Variants in FRMD4A observed in about 807,000 individuals in gnomAD.
FRMD4A encodes the protein FERM domain containing 4A.
FRMD4A carries 29 observed loss-of-function variants against 129.1 expected under a neutral mutation model. That is an observed-to-expected ratio of 0.22 (90% CI 0.17 to 0.31). The LOEUF is 0.31. FRMD4A is among the 10% of genes least tolerant of loss of function. The probability of loss-of-function intolerance (pLI) is 1.00; values close to 1 mark genes in which losing one functional copy is unlikely to be tolerated. For missense variants in FRMD4A, 1,272 were observed against 1,375.8 expected (o/e 0.92, Z 1.19); for synonymous variants, 634 against 571.6 (o/e 1.11, Z -1.56).
intron 2 of FRMD4A, among the ~76,000 whole-genome samples, chr10:13,962,597 C>T (rs757306262): frequency 2.0e-5 from 3 of 152,184 alleles, no homozygotes; most frequent in Admixed American, 6.5e-5. Flanking sequence ...AGCTCCACCA[C>T]AAGAGACTCC....
chr10:13,873,733 G>C (rs2094462622), intron 2 of FRMD4A, among the ~76,000 whole-genome samples: 1 of 151,878 alleles, frequency 6.6e-6, no homozygotes, highest in Non-Finnish European at 1.5e-5. Context: ...TTTTAGTAGA[G>C]ATGGAGTTTC....
intron 11 of FRMD4A, among the ~76,000 whole-genome samples, 199 bp from the exon 12 acceptor site, chr10:13,738,129 G>A (rs2090755013): frequency 6.6e-6 from 1 of 152,134 alleles, no homozygotes; most frequent in Non-Finnish European, 1.5e-5. Context: ...GGTGACATGG[G>A]GAGTGCCGGG....
chr10:13,741,288 C>T (rs965629340), intron 9 of FRMD4A, among the ~76,000 whole-genome samples: 2 of 151,744 alleles, frequency 1.3e-5, no homozygotes, highest in East Asian at 2.0e-4. Context: ...TGTCTCTATA[C>T]AAAAATACAA....
At chr10:13,798,137 G>A (rs888417942) in intron 4 of FRMD4A, among the ~76,000 whole-genome samples, 7 of 152,194 alleles carry the variant, frequency 4.6e-5, no homozygotes, top group Admixed American at 1.3e-4. Flanking sequence ...AGGGTTGGGC[G>A]CAGTGGCTCA....
chr10:13,822,738 G>A (rs1451652784), intron 3 of FRMD4A, among the ~76,000 whole-genome samples: 1 of 152,098 alleles, frequency 6.6e-6, no homozygotes, highest in Non-Finnish European at 1.5e-5. Flanking sequence ...AGCCATGAAG[G>A]GGCCTGTGAC....
At chr10:13,653,735 G>A (rs1168926472) in intron 23 of FRMD4A, 1 of 149,418 alleles carries the variant, frequency 6.7e-6, no homozygotes, top group African/African-American at 2.6e-5. Context: ...GGCAACAGAA[G>A]AGGCAGGTGC....
chr10:14,001,189 T>C (rs973068763), intron 2 of FRMD4A, among the ~76,000 whole-genome samples: 4 of 152,222 alleles, frequency 2.6e-5, no homozygotes, highest in Non-Finnish European at 5.9e-5. Flanking sequence ...ATTTAAATAC[T>C]GATGCCTGGA....
intron 3 of FRMD4A, 77 bp downstream of exon 3, chr10:13,858,770 T>G: frequency 2.4e-6 from 2 of 845,092 alleles, no homozygotes. Context: ...AAATCCCCCT[T>G]CATCCCCAGC....
At chr10:14,105,896 G>A (rs897957286) in intron 2 of FRMD4A, among the ~76,000 whole-genome samples, 1 of 151,974 alleles carries the variant, frequency 6.6e-6, no homozygotes, top group African/African-American at 2.4e-5. Context: ...TTGTAAATTT[G>A]GCAAGACTAC....
chr10:13,993,882 G>GCTGCAGCTGGAGGGCCTGCAGCT (rs2095612697), intron 2 of FRMD4A, among the ~76,000 whole-genome samples: 3 of 151,710 alleles, frequency 2.0e-5, no homozygotes, highest in African/African-American at 7.3e-5. Context: ...TTTAGCACTA[G>GCTGCAGCTGGAGGGCCTGCAGCT]GATTATGCTG....
At chr10:13,995,819 C>CTTTTTTTTTT (rs112271578) in intron 2 of FRMD4A, among the ~76,000 whole-genome samples, 1 of 144,298 alleles carries the variant, frequency 6.9e-6, no homozygotes. Flanking sequence ...TTCCAGACTG[C>CTTTTTTTTTT]TTTTTTTTTT....
At chr10:14,185,370 AC>A (rs1564370906) in intron 2 of FRMD4A, among the ~76,000 whole-genome samples, 1 of 152,280 alleles carries the variant, frequency 6.6e-6, no homozygotes, top group South Asian at 2.1e-4. Context: ...GTGTGTCTAA[AC>A]CCTAAAATCT....
chr10:13,713,715 T>C (rs2088276874), intron 12 of FRMD4A, among the ~76,000 whole-genome samples: 1 of 149,846 alleles, frequency 6.7e-6, no homozygotes, highest in Non-Finnish European at 1.5e-5. Context: ...CTGGTAAGGT[T>C]TTGCTATTGG....
In FRMD4A at chr10:14,312,709, AC is replaced by A. The variant is rs563111137; in HGVS notation, c.45+17348del. 4.5e-3 allele frequency among the ~76,000 whole-genome samples: 685 copies of A among 152,292 alleles called. 4 individuals are homozygous for A. Among genetic ancestry groups the A allele is most frequent in the Middle Eastern group, 0.014 (4 of 294 alleles). On this transcript the variant is annotated intron_variant, in intron 2 of 24. Coordinates refer to ENST00000357447, the MANE Select transcript of FRMD4A (RefSeq NM_018027.5). Reference sequence around the variant, plus strand: ...CAAAACTCCATTCTATAAAAAAAATACAAAAAATTAGCCAGGTGTGGTGGTG... The same window carrying A: ...CAAAACTCCATTCTATAAAAAAAATAAAAAAATTAGCCAGGTGTGGTGGTG...
intron 12 of FRMD4A, among the ~76,000 whole-genome samples, chr10:13,712,522 A>C (rs372476609): frequency 1.3e-5 from 2 of 152,104 alleles, no homozygotes; most frequent in East Asian, 1.9e-4. Flanking sequence ...TCAAAAAAAA[A>C]AAAAGAGCAA....
chr10:13,771,031 A>G (rs548465514), intron 6 of FRMD4A, among the ~76,000 whole-genome samples: 12 of 152,314 alleles, frequency 7.9e-5, no homozygotes, highest in Admixed American at 6.5e-4. Context: ...AACAAGAGTG[A>G]TAGCATTTAG....
chr10:13,916,179 T>C (rs1010696238), intron 2 of FRMD4A, among the ~76,000 whole-genome samples: 1 of 152,182 alleles, frequency 6.6e-6, no homozygotes, highest in African/African-American at 2.4e-5. Context: ...CTGTGAAGTC[T>C]TTAGGTTTCA....
In FRMD4A at chr10:14,330,081, C is replaced by T; in HGVS notation, c.22G>A (p.Asp8Asn). The T allele has an allele frequency of 6.4e-7, 1 of 1,553,480 alleles. No homozygotes were observed. The highest frequency in any genetic ancestry group is 8.7e-7 in the Non-Finnish European group (1 of 1,147,852). Reference protein sequence around the residue: MAVQLVPDSALGLLMMTE... With the variant: MAVQLVPNSALGLLMMTE... ...ACCATCAGCAGGCCGAGAGCTGAGT[C>T]GGGCACCAGCTGCACTGCCATGGTC... Residue 8 changes from aspartate to asparagine, a missense_variant, in exon 2 of 25, where the codon GAC becomes AAC. Transcript: ENST00000357447.
chr10:13,849,298 C>A (rs1214771319), intron 3 of FRMD4A, among the ~76,000 whole-genome samples: 1 of 152,182 alleles, frequency 6.6e-6, no homozygotes, highest in Admixed American at 6.5e-5. Context: ...GGATTCAGAC[C>A]AGACAGGAGC....
Sources: allele counts gnomAD v4.1 joint callset (sites outside exome capture counted in the v4.1 genomes callset), GRCh38; gene constraint gnomAD v4.1.1; transcripts MANE v1.5; gene names NCBI Gene and HGNC (gene_info 2026-07-23, HGNC 2026-07-21).